The following OSBPL3 variants were observed in gnomAD, a reference collection of about 807,000 sequenced individuals.
OSBPL3 encodes oxysterol binding protein like 3.
A neutral mutation model predicts 120.1 loss-of-function variants in OSBPL3; 65 were observed. That is an observed-to-expected ratio of 0.54 (90% CI 0.44 to 0.67). OSBPL3 has a LOEUF of 0.67. Ranked by LOEUF, OSBPL3 falls within the 30% of genes least tolerant of loss-of-function variation. The pLI is 0.00. For synonymous variants in OSBPL3, 416 were observed against 402.6 expected (o/e 1.03, Z -0.40); for missense variants, 1,004 against 1,082.1 (o/e 0.93, Z 1.01).
In OSBPL3 at chr7:24,980,130, G is replaced by T. The variant is rs1818130553; in HGVS notation, c.-394C>A. 1.2e-6 allele frequency: 1 copy of T among 802,006 alleles called. No homozygotes were observed. Among genetic ancestry groups the T allele is most frequent in the Non-Finnish European group, 1.5e-6 (1 of 662,440 alleles). The allele number at this position is 802,006 out of a possible 1,614,324, so 49.7% of individuals were successfully genotyped here. A position where few individuals can be genotyped will look rare whatever the true frequency, so the allele number is the denominator to read the frequency against. The stretch of plus-strand genomic sequence containing the variant: ...GTCCCCTCTCCCGGGCCGGCTGGCG[G>T]GCGCCACCAGCACGCGGCCAGTTCT... On this transcript the variant is annotated 5_prime_UTR_variant, in exon 1 of 23. Transcript: ENST00000313367.
intron 17 of OSBPL3, among the ~76,000 whole-genome samples, chr7:24,816,902 T>C (rs1287814417): frequency 3.3e-5 from 5 of 152,208 alleles, no homozygotes; most frequent in Non-Finnish European, 5.9e-5. Context: ...GATAAAGTCC[T>C]TTCCATGAAT....
At chr7:24,902,043 G>A (rs1186065235) in intron 1 of OSBPL3, among the ~76,000 whole-genome samples, 1 of 152,172 alleles carries the variant, frequency 6.6e-6, no homozygotes, top group African/African-American at 2.4e-5. Flanking sequence ...GTTGCTTTAG[G>A]CAAGTTTTTA....
chr7:24,809,926 T>A lies in OSBPL3; in HGVS notation c.2198A>T (p.His733Leu). 10 of 1,614,192 alleles carry A rather than the reference T, an allele frequency of 6.2e-6. No individual in the cohort carries two copies. Among genetic ancestry groups the A allele is most frequent in the Non-Finnish European group, 8.5e-6 (10 of 1,179,992 alleles). ...IKAKYWSTNA[H>L]EIEGTVFDRS... Reference sequence around the variant, plus strand: ...GTCAAACACTGTGCCTTCAATCTCATGGGCATTAGTGCTCCAGTATTTTGC... The same window carrying A: ...GTCAAACACTGTGCCTTCAATCTCAAGGGCATTAGTGCTCCAGTATTTTGC... Residue 733 changes from histidine (H) to leucine (L), a missense_variant, in exon 20 of 23, where the codon CAT (histidine) becomes CTT (leucine). This residue lies in a region of OSBPL3 where 473 missense variants were observed against 568.0 expected (regional missense o/e 0.83). Transcript: ENST00000313367.
intron 1 of OSBPL3, among the ~76,000 whole-genome samples, chr7:24,923,224 C>T (rs1448159677): frequency 6.6e-6 from 1 of 152,230 alleles, no homozygotes; most frequent in African/African-American, 2.4e-5. Context: ...CAGAGTGGAG[C>T]TCCTCAGGAC....
At chr7:24,859,192 A>T (rs1800197157) in intron 10 of OSBPL3, among the ~76,000 whole-genome samples, 1 of 152,198 alleles carries the variant, frequency 6.6e-6, no homozygotes, top group Non-Finnish European at 1.5e-5. Flanking sequence ...AGGGTAAGGG[A>T]AGAGAGAGCT....
intron 1 of OSBPL3, among the ~76,000 whole-genome samples, chr7:24,929,689 T>C (rs7811551): frequency 2.0e-5 from 3 of 152,108 alleles, no homozygotes; most frequent in African/African-American, 7.2e-5. Flanking sequence ...CCAAGCTAAT[T>C]TGCCAAATCA....
chr7:24,868,636 T>C lies in OSBPL3; in HGVS notation c.381+2096A>G, dbSNP rs867797119. On this transcript the variant is annotated intron_variant, in intron 5 of 22. Coordinates refer to ENST00000313367, the MANE Select transcript of OSBPL3 (RefSeq NM_015550.4). Reference sequence around the variant, plus strand: ...TTAGGTTGGCTCTGGTGTTGATTATTAGAAGTACCTATAAGACTGGAAGCA... The same window carrying C: ...TTAGGTTGGCTCTGGTGTTGATTATCAGAAGTACCTATAAGACTGGAAGCA... 1.5e-4 allele frequency among the ~76,000 whole-genome samples: 23 copies of C among 152,308 alleles called. 1 individual carries two copies. Among genetic ancestry groups the C allele is most frequent in the African/African-American group, 5.5e-4 (23 of 41,570 alleles).
Position 24,852,112 on chromosome 7 carries a change from T to G in OSBPL3, c.1158+392A>C, listed in dbSNP as rs1189387819. ...GAAATTTCACTCTGCCACCTGTCATTTGGAAAGTAAGGCTAAGCTTGTGGT... is the reference window on the plus strand; with the variant it reads ...GAAATTTCACTCTGCCACCTGTCATGTGGAAAGTAAGGCTAAGCTTGTGGT... On this transcript the variant is annotated intron_variant, in intron 11 of 22. Transcript: ENST00000313367. This position sits in a 1 kb window ranked among gnomAD's most constrained non-coding sequence, Gnocchi z 4.1. 6.6e-6 allele frequency among the ~76,000 whole-genome samples: 1 copy of G among 152,184 alleles called. No homozygotes were observed. Among genetic ancestry groups the G allele is most frequent in the African/African-American group, 2.4e-5 (1 of 41,448 alleles).
intron 1 of OSBPL3, among the ~76,000 whole-genome samples, chr7:24,910,734 G>A (rs1008079859): frequency 3.3e-5 from 5 of 152,248 alleles, no homozygotes; most frequent in African/African-American, 1.2e-4. Context: ...GAAGAGCTCA[G>A]TGGGGCTGGA....
In OSBPL3 at chr7:24,892,579, T is replaced by C. The variant is rs760335660; in HGVS notation, c.-107A>G. On this transcript the variant is annotated 5_prime_UTR_variant, in exon 2 of 23. In the 5' UTR this introduces an upstream ATG that the reference lacks. Transcript: ENST00000313367. ...CAGGTGGTTTAGCTCTTATCCAAAG[T>C]ATTTAAAAAACATTTTGGGTGGCCC... The C allele has an allele frequency of 3.5e-6, 5 of 1,448,306 alleles. No individual in the cohort carries two copies. Among genetic ancestry groups the C allele is most frequent in the African/African-American group, 1.4e-5 (1 of 70,878 alleles). 89.7% of individuals were successfully genotyped at this position (1,448,306 alleles called of 1,614,324 possible). A position where few individuals can be genotyped will look rare whatever the true frequency, so the allele number is the denominator to read the frequency against.
intron 2 of OSBPL3, among the ~76,000 whole-genome samples, chr7:24,880,981 ACT>A (rs2128308660): frequency 1.3e-5 from 2 of 152,270 alleles, no homozygotes; most frequent in African/African-American, 4.8e-5. Flanking sequence ...AGAATCACAG[ACT>A]CTGCACTCAG....
chr7:24,866,270 G>C, intron 5 of OSBPL3, 33 bp from the exon 6 acceptor site: 1 of 1,488,290 alleles, frequency 6.7e-7, no homozygotes, highest in Non-Finnish European at 9.4e-7. Flanking sequence ...AAGGAAACAA[G>C]AGAATCATTC....
Position 24,818,460 on chromosome 7 carries a change from TG to T in OSBPL3, c.1948+1714del, listed in dbSNP as rs1246304379. On this transcript the variant is annotated intron_variant, in intron 17 of 22. Coordinates refer to ENST00000313367, the MANE Select transcript of OSBPL3 (RefSeq NM_015550.4). The surrounding 1 kb of genome is among the most constrained non-coding windows in gnomAD (Gnocchi z 4.0). ...TAGTAGAGAGGTTGGGAAGGGAAAA[TG>T]GAAGTATACTTCTGTAAATCTCACT... 6.6e-6 allele frequency among the ~76,000 whole-genome samples: 1 copy of T among 152,096 alleles called. No homozygotes were observed. The highest frequency in any genetic ancestry group is 1.5e-5 in the Non-Finnish European group (1 of 68,026).
At chr7:24,973,428 T>C (rs1216599740) in intron 1 of OSBPL3, among the ~76,000 whole-genome samples, 1 of 152,146 alleles carries the variant, frequency 6.6e-6, no homozygotes, top group Non-Finnish European at 1.5e-5. Context: ...GAAACAACCA[T>C]ATTCTGGCTC....
chr7:24,852,619 C>T lies in OSBPL3; in HGVS notation c.1043G>A (p.Arg348Lys), dbSNP rs370147114. Residue 348 changes from arginine to lysine, a missense_variant, in exon 11 of 23, where the codon AGG becomes AAG. Physicochemically the swap from Arg to Lys is conservative, Grantham distance 26 (BLOSUM62 2). Coordinates refer to ENST00000313367, the MANE Select transcript of OSBPL3 (RefSeq NM_015550.4). This position sits in a 1 kb window ranked among gnomAD's most constrained non-coding sequence, Gnocchi z 4.1. ...HIAHKVYFTL[R>K]SAFNIMSAER... is the part of the protein sequence containing the mutation. ...CGCTGACATGATATTAAAAGCTGAC[C>T]TTAAAGTGAAGTAAACTATAGAGAT... 2.5e-6 allele frequency: 4 copies of T among 1,593,694 alleles called. No individual in the cohort carries two copies. The African/African-American group carries it at 5.4e-5, about 22-fold the overall frequency.
At chr7:24,949,763 A>C (rs1814163635) in intron 1 of OSBPL3, among the ~76,000 whole-genome samples, 1 of 152,166 alleles carries the variant, frequency 6.6e-6, no homozygotes, top group African/African-American at 2.4e-5. Flanking sequence ...GCAGAGGGGT[A>C]CAGGGATGGC....
chr7:24,938,902 T>C lies in OSBPL3; in HGVS notation c.-150+40984A>G, dbSNP rs905753780. 1.3e-5 allele frequency among the ~76,000 whole-genome samples: 2 copies of C among 150,022 alleles called. No homozygotes were observed. Among genetic ancestry groups the C allele is most frequent in the African/African-American group, 2.5e-5 (1 of 40,686 alleles). On this transcript the variant is annotated intron_variant, in intron 1 of 22. Transcript: ENST00000313367. This position sits in a 1 kb window ranked among gnomAD's most constrained non-coding sequence, Gnocchi z 5.8. ...AGATTGTTATTAAGGAAAAAGTATA[T>C]AATGGGAGGCAACATTATTTGACAT...
chr7:24,906,368 G>C, intron 1 of OSBPL3: 1 of 250,682 alleles, frequency 4.0e-6, no homozygotes, highest in Non-Finnish European at 8.2e-6. Context: ...CGAGGAGGTG[G>C]GATCATTGCC....
intron 12 of OSBPL3, 58 bp from the exon 13 acceptor site, chr7:24,842,471 AAAT>A: frequency 1.5e-6 from 2 of 1,329,464 alleles, no homozygotes; most frequent in Non-Finnish European, 1.1e-6. Context: ...AAGAGAAAGA[AAAT>A]AAATGATTTA....
Sources: allele counts gnomAD v4.1 joint callset (sites outside exome capture counted in the v4.1 genomes callset), GRCh38; gene constraint gnomAD v4.1.1; regional missense constraint gnomAD v4.1.1; non-coding constraint Gnocchi (gnomAD v3.1); transcripts MANE v1.5; gene names NCBI Gene and HGNC (gene_info 2026-07-23, HGNC 2026-07-21).